CHMP2B: variants seen among roughly 807,000 people sequenced by gnomAD.
CHMP2B encodes VPS2 homolog B.
CHMP2B carries 22 observed loss-of-function variants against 29.8 expected under a neutral mutation model. The ratio of observed to expected loss-of-function variants is 0.74; its 90% confidence interval spans 0.53 to 1.05. CHMP2B has a LOEUF of 1.05. Among genes scored for constraint, CHMP2B ranks in the 50% least tolerant of loss-of-function variants. CHMP2B has a pLI of 0.00. For synonymous variants in CHMP2B, 78 were observed against 75.8 expected (o/e 1.03, Z -0.15); for missense variants, 261 against 252.2 (o/e 1.03, Z -0.24).
chr3:87,241,132 T>A (rs548963118), intron 2 of CHMP2B, among the ~76,000 whole-genome samples: 21 of 152,298 alleles, frequency 1.4e-4, no homozygotes, highest in African/African-American at 5.1e-4. Context: ...AAGGTTATTT[T>A]AAAAATTACA....
In CHMP2B at chr3:87,253,900, A is replaced by G. The variant is rs755253118; in HGVS notation, c.*78A>G. 4 of 1,066,242 alleles carry G rather than the reference A, an allele frequency of 3.8e-6. No homozygotes were observed. The highest frequency in any genetic ancestry group is 5.6e-6 in the Non-Finnish European group (4 of 709,976). 66.0% of individuals were successfully genotyped at this position (1,066,242 alleles called of 1,614,324 possible). ...GCACAGTGCAGATTTCTTTTACAAAACACATGTATTTTGCAAAAAAAAAAA... is the reference window on the plus strand; with the variant it reads ...GCACAGTGCAGATTTCTTTTACAAAGCACATGTATTTTGCAAAAAAAAAAA... On this transcript the variant is annotated 3_prime_UTR_variant, in exon 6 of 6. Transcript: ENST00000263780.
intron 2 of CHMP2B, among the ~76,000 whole-genome samples, chr3:87,244,550 T>G (rs557999096): frequency 6.6e-6 from 1 of 152,270 alleles, no homozygotes; most frequent in East Asian, 1.9e-4. Context: ...TTCAAAATAT[T>G]ATTTTCTCTG....
intron 2 of CHMP2B, 142 bp from the exon 3 acceptor site, chr3:87,245,572 T>G: frequency 1.4e-6 from 1 of 704,624 alleles, no homozygotes; most frequent in South Asian, 2.0e-5. Context: ...TCTTTTGCTC[T>G]ATGACTTTAT....
In CHMP2B at chr3:87,254,612, G is replaced by C. The variant is rs1235501562; in HGVS notation, c.*790G>C. On this transcript the variant is annotated 3_prime_UTR_variant, in exon 6 of 6. Coordinates refer to ENST00000263780, the MANE Select transcript of CHMP2B (RefSeq NM_014043.4). ...TGTTAAAACAGACCAGGTTTTCCTG[G>C]TCTCAGACCTATGATGACTTGTCCC... The C allele has an allele frequency of 6.6e-6, 1 of 151,900 alleles. No homozygotes were observed. The highest frequency in any genetic ancestry group is 1.5e-5 in the Non-Finnish European group (1 of 67,866). 9.4% of individuals were successfully genotyped at this position (151,900 alleles called of 1,614,324 possible). A position where few individuals can be genotyped will look rare whatever the true frequency, so the allele number is the denominator to read the frequency against.
intron 3 of CHMP2B, among the ~76,000 whole-genome samples, chr3:87,249,302 T>A (rs1575970550): frequency 6.6e-6 from 1 of 152,146 alleles, no homozygotes; most frequent in Non-Finnish European, 1.5e-5. Context: ...TGATTGTAAA[T>A]AAATTTTGGT....
chr3:87,235,167 A>T (rs976686525), intron 1 of CHMP2B, among the ~76,000 whole-genome samples: 1 of 152,218 alleles, frequency 6.6e-6, no homozygotes, highest in Non-Finnish European at 1.5e-5. Flanking sequence ...AGAGATTGTA[A>T]TCTTGGGATG....
chr3:87,248,573 T>C (rs1029691024), intron 3 of CHMP2B, among the ~76,000 whole-genome samples: 1 of 151,938 alleles, frequency 6.6e-6, no homozygotes, highest in Non-Finnish European at 1.5e-5. Flanking sequence ...GCTAGGCTAG[T>C]CTCAAACTCC....
chr3:87,245,724 T>C lies in CHMP2B; in HGVS notation c.137T>C (p.Ile46Thr). 1.2e-6 allele frequency: 2 copies of C among 1,613,048 alleles called. No homozygotes were observed. The highest frequency in any genetic ancestry group is 1.7e-6 in the Non-Finnish European group (2 of 1,179,390). The change falls in exon 3 of 6, where the codon ATT becomes ACT. Residue 46 changes from isoleucine (I) to threonine (T), a missense_variant. Transcript: ENST00000263780. ...TGTTTCTTCTCTTAGGAATTAGAAATTAAGAAAATGGCCAAGATTGGTAAT... is the reference window on the plus strand; with the variant it reads ...TGTTTCTTCTCTTAGGAATTAGAAACTAAGAAAATGGCCAAGATTGGTAAT... ...EKQEKQLELE[I>T]KKMAKIGNKE...
chr3:87,235,152 C>T (rs759360712), intron 1 of CHMP2B, among the ~76,000 whole-genome samples: 1 of 152,108 alleles, frequency 6.6e-6, no homozygotes, highest in Non-Finnish European at 1.5e-5. Context: ...ATTCCCTTCT[C>T]TTAAAGAGAT....
rs374796686 is a variant in CHMP2B at position 87,253,518 on chromosome 3, C to G, written c.531+8C>G. On this transcript the variant is annotated splice_region_variant and intron_variant, in intron 5 of 5. Transcript: ENST00000263780. ...ATTGAAATTTCTGGAAAGGTATGAA[C>G]ATCATCTTTTCTTAGTTGGAAATAG... The G allele has an allele frequency of 3.2e-6, 5 of 1,550,336 alleles. No homozygotes were observed. The African/African-American group carries it at 6.8e-5, about 21-fold the overall frequency.
In CHMP2B at chr3:87,254,027, T is replaced by A. The variant is rs1706360140; in HGVS notation, c.*205T>A. 4.0e-6 allele frequency: 2 copies of A among 498,694 alleles called. No individual in the cohort carries two copies. The highest frequency in any genetic ancestry group is 3.9e-5 in the African/African-American group (2 of 51,372). 30.9% of individuals were successfully genotyped at this position (498,694 alleles called of 1,614,324 possible). ...GCAAAAATGGGAACAGTTTGGATTT[T>A]AATTAGAACTGTTTAGGAGTGATGA... On this transcript the variant is annotated 3_prime_UTR_variant, in exon 6 of 6. Coordinates refer to ENST00000263780, the MANE Select transcript of CHMP2B (RefSeq NM_014043.4).
In CHMP2B at chr3:87,230,603, A is replaced by G. The variant is rs1447947236; in HGVS notation, c.34+3047A>G. ...ATTAGTGGTAGAACTTTACTTTCTAATGGTGGTGGAACTGGAAATAACCCA... is the reference window on the plus strand; with the variant it reads ...ATTAGTGGTAGAACTTTACTTTCTAGTGGTGGTGGAACTGGAAATAACCCA... On this transcript the variant is annotated intron_variant, in intron 1 of 5. Transcript: ENST00000263780. Among the ~76,000 whole-genome samples the G allele has an allele frequency of 2.6e-5, 4 of 152,144 alleles. No individual in the cohort carries two copies. In the East Asian group the frequency reaches 7.7e-4, roughly 29 times the overall value.
chr3:87,237,868 G>T (rs1250714782), intron 1 of CHMP2B, among the ~76,000 whole-genome samples: 1 of 152,134 alleles, frequency 6.6e-6, no homozygotes. Context: ...GAAAGTAGGT[G>T]GCAGGAGAGA....
At chr3:87,239,857 G>C (rs373208595) in intron 1 of CHMP2B, among the ~76,000 whole-genome samples, 2 of 152,096 alleles carry the variant, frequency 1.3e-5, no homozygotes, top group African/African-American at 4.8e-5. Flanking sequence ...CTGAGGTTTC[G>C]AGTATTAACT....
chr3:87,229,012 A>G (rs1016733538), intron 1 of CHMP2B, among the ~76,000 whole-genome samples: 8 of 152,048 alleles, frequency 5.3e-5, no homozygotes, highest in African/African-American at 1.9e-4. Context: ...TTAGTTTTAT[A>G]TAGTGAGAAT....
At chr3:87,230,463 A>T (rs1439139980) in intron 1 of CHMP2B, among the ~76,000 whole-genome samples, 7 of 152,188 alleles carry the variant, frequency 4.6e-5, no homozygotes, top group Non-Finnish European at 1.0e-4. Flanking sequence ...TTCTTATTAG[A>T]GATTGATACA....
chr3:87,233,333 C>T (rs1002848174), intron 1 of CHMP2B, among the ~76,000 whole-genome samples: 3 of 152,206 alleles, frequency 2.0e-5, no homozygotes, highest in South Asian at 2.1e-4. Context: ...CCCACTCTCA[C>T]TGTCATTTTC....
At chr3:87,243,822 G>T (rs1293561654) in intron 2 of CHMP2B, among the ~76,000 whole-genome samples, 1 of 151,750 alleles carries the variant, frequency 6.6e-6, no homozygotes, top group East Asian at 1.9e-4. Context: ...AGGATAAGAA[G>T]TGATGCCCTT....
chr3:87,228,532 T>G (rs1012848386), intron 1 of CHMP2B, among the ~76,000 whole-genome samples: 1 of 152,212 alleles, frequency 6.6e-6, no homozygotes, highest in African/African-American at 2.4e-5. Context: ...GGGTGCTCAG[T>G]CCAGACCTGG....
Sources: allele counts gnomAD v4.1 joint callset (sites outside exome capture counted in the v4.1 genomes callset), GRCh38; gene constraint gnomAD v4.1.1; transcripts MANE v1.5; gene names NCBI Gene and HGNC (gene_info 2026-07-23, HGNC 2026-07-21).